The following ATP1A3 variants were observed in gnomAD, a reference collection of about 807,000 sequenced individuals.
ATP1A3 encodes ATPase Na+/K+ transporting subunit alpha 3.
ATP1A3 carries 12 observed loss-of-function variants against 108.8 expected under a neutral mutation model. The ratio of observed to expected loss-of-function variants is 0.11; its 90% CI spans 0.07 to 0.18. ATP1A3 has a LOEUF of 0.18. ATP1A3 is among the 10% of genes least tolerant of loss of function. The pLI, the probability that ATP1A3 is intolerant of heterozygous loss-of-function variation, is 1.00. For synonymous variants in ATP1A3, 539 were observed against 564.5 expected, an observed-to-expected ratio of 0.95 and a Z score of 0.64; for missense variants, 498 against 1,387.7, an observed-to-expected ratio of 0.36 and a Z score of 10.19.
chr19:41,977,343 A>T (rs1184319238), intron 14 of ATP1A3, among the ~76,000 whole-genome samples: 7 of 152,094 alleles, frequency 4.6e-5, no homozygotes, highest in Non-Finnish European at 7.4e-5. Flanking sequence ...ACTGAAGTTC[A>T]TGGATGCTAA....
At chr19:41,992,967 C>T in intron 1 of ATP1A3, 1 of 191,816 alleles carries the variant, frequency 5.2e-6, no homozygotes, top group Non-Finnish European at 1.1e-5. Flanking sequence ...CCTTCTCTCC[C>T]CTAGTCCTGC....
At chr19:41,972,761 C>CA (rs1292867242) in intron 16 of ATP1A3, among the ~76,000 whole-genome samples, 2 of 110,136 alleles carry the variant, frequency 1.8e-5, no homozygotes, top group African/African-American at 3.5e-5. Context: ...AAGACTCCAT[C>CA]AAAAAAAGGG....
intron 1 of ATP1A3, chr19:41,993,501 GCACACACACA>G (rs4060828): frequency 0.059 from 39,340 of 670,480 alleles, 649 homozygotes; most frequent in East Asian, 0.09. Flanking sequence ...TGCGGAGCCT[GCACACACACA>G]CACACACACA....
intron 15 of ATP1A3, 65 bp from the exon 16 acceptor site, chr19:41,975,862 C>T: frequency 3.7e-6 from 6 of 1,605,120 alleles, no homozygotes; most frequent in South Asian, 1.1e-5. Context: ...CCCTCAGATC[C>T]AGAAGCCCAG....
chr19:41,970,694 C>A (rs529795357), intron 16 of ATP1A3, 152 bp from the exon 17 acceptor site: 4 of 940,650 alleles, frequency 4.3e-6, no homozygotes, highest in Non-Finnish European at 6.0e-6. Flanking sequence ...TGCAGTGGTG[C>A]GATCTCGGCT....
intron 16 of ATP1A3, among the ~76,000 whole-genome samples, chr19:41,974,729 C>G (rs2075147813): frequency 6.6e-6 from 1 of 152,222 alleles, no homozygotes; most frequent in Non-Finnish European, 1.5e-5. Flanking sequence ...CTGCATTTGT[C>G]TATGATTATC....
intron 1 of ATP1A3, among the ~76,000 whole-genome samples, chr19:41,990,700 C>G (rs2075329735): frequency 6.6e-6 from 1 of 151,170 alleles, no homozygotes; most frequent in Admixed American, 6.6e-5. Context: ...ATATATCTGT[C>G]TCTTTTTGTA....
Position 41,967,251 on chromosome 19 carries a change from C to T in ATP1A3, c.3011G>A (p.Gly1004Glu), listed in dbSNP as rs782204932. The change falls in exon 22 of 23, where the codon GGG (glycine) becomes GAG (glutamate). Residue 1004 changes from glycine to glutamate, a missense_variant and splice_region_variant. Gly to Glu is a moderately conservative substitution (Grantham distance 98). This residue lies in a region of ATP1A3 where 29 missense variants were observed against 41.0 expected (regional missense o/e 0.71). Transcript: ENST00000648268. This position sits in a 1 kb window ranked among gnomAD's most constrained non-coding sequence, Gnocchi z 4.2. ...GCTGCCTTGCCGAGCTCCCTCACCC[C>T]CTGGGTTCCTGCGCAGGATGAGTTT... is the stretch of plus-strand genomic sequence containing the variant. ...IRKLILRRNPGGWVEKETYY is the reference protein window; with the variant it reads ...IRKLILRRNPEGWVEKETYY 6 of 1,614,068 alleles carry T rather than the reference C, an allele frequency of 3.7e-6. No individual in the cohort carries two copies. In the Admixed American group the frequency reaches 8.3e-5, roughly 22 times the overall value.
In ATP1A3 at chr19:41,984,877, C is replaced by T. The variant is rs547037913; in HGVS notation, c.993+41G>A. On this transcript the variant is annotated intron_variant, in intron 8 of 22. Transcript: ENST00000648268. ...CTCCCTCAGACCCAGGAGCCCAGAC[C>T]CCCAGGCCCTCCCCACCCAGACCCA... The T allele has an allele frequency of 1.6e-5, 26 of 1,589,106 alleles. No homozygotes were observed. In the South Asian group the frequency reaches 2.8e-4, roughly 17 times the overall value.
intron 1 of ATP1A3, among the ~76,000 whole-genome samples, chr19:41,992,201 G>C (rs547001299): frequency 1.1e-4 from 17 of 152,254 alleles, no homozygotes; most frequent in African/African-American, 4.1e-4. Context: ...CCGGGACCCT[G>C]GGACTCCTGG....
chr19:41,979,437 C>T (rs916553973), intron 11 of ATP1A3, among the ~76,000 whole-genome samples: 2 of 152,110 alleles, frequency 1.3e-5, no homozygotes, highest in Non-Finnish European at 2.9e-5. Flanking sequence ...GCTTCGGTCT[C>T]CCACGTAGCT....
chr19:41,978,382 A>T lies in ATP1A3; in HGVS notation c.1631-56T>A. The T allele has an allele frequency of 6.5e-7, 1 of 1,545,222 alleles. No individual in the cohort carries two copies. The highest frequency in any genetic ancestry group is 2.4e-5 in the East Asian group (1 of 41,722). ...GTCCCAGCCTCGGAACCTCCGCCCCATGCCCCTAGATGTCTGCATCGCCCG... is the reference window on the plus strand; with the variant it reads ...GTCCCAGCCTCGGAACCTCCGCCCCTTGCCCCTAGATGTCTGCATCGCCCG... On this transcript the variant is annotated intron_variant, in intron 12 of 22. Coordinates refer to ENST00000648268, the MANE Select transcript of ATP1A3 (RefSeq NM_152296.5). This position sits in a 1 kb window ranked among gnomAD's most constrained non-coding sequence, Gnocchi z 8.3.
chr19:41,973,063 A>G (rs1305769158), intron 16 of ATP1A3, among the ~76,000 whole-genome samples: 2 of 152,180 alleles, frequency 1.3e-5, no homozygotes, highest in African/African-American at 4.8e-5. Context: ...GGGGTTTCTC[A>G]TCCTAAACTA....
intron 4 of ATP1A3, 151 bp downstream of exon 4, chr19:41,987,785 G>T: frequency 1.9e-6 from 2 of 1,080,794 alleles, no homozygotes; most frequent in South Asian, 1.3e-5. Flanking sequence ...CCTTGTATTT[G>T]ATCTGGTTCT....
intron 11 of ATP1A3, among the ~76,000 whole-genome samples, chr19:41,979,249 C>G (rs577570435): frequency 9.9e-5 from 15 of 151,918 alleles, no homozygotes; most frequent in African/African-American, 3.6e-4. Context: ...GTGATCTGCC[C>G]TCATCGGCCT....
In ATP1A3 at chr19:41,981,570, C is replaced by G. The variant is rs2145971610; in HGVS notation, c.1369G>C (p.Val457Leu). 2 of 1,614,166 alleles carry G rather than the reference C, an allele frequency of 1.2e-6. No homozygotes were observed. Among genetic ancestry groups the G allele is most frequent in the Non-Finnish European group, 1.7e-6 (2 of 1,180,044 alleles). Residue 457 changes from valine (V) to leucine (L), a missense_variant, in exon 11 of 23, where the codon GTG (valine) becomes CTG (leucine). Physicochemically the swap from Val to Leu is conservative, Grantham distance 32 (BLOSUM62 1). Around this residue, in one of 9 missense-constraint regions of ATP1A3, gnomAD observed 92 missense variants for 168.7 expected, o/e 0.55. Transcript: ENST00000648268. The surrounding 1 kb of genome is among the most constrained non-coding windows in gnomAD (Gnocchi z 5.0). ...LKCIELSSGS[V>L]KLMRERNKKV... is the part of the protein sequence containing the mutation. ...TTGTTGCGTTCACGCATCAGCTTCA[C>G]GGAGCCAGAGGACAGCTCGATGCAC...
intron 11 of ATP1A3, among the ~76,000 whole-genome samples, chr19:41,980,649 T>C (rs572569959): frequency 1.3e-5 from 2 of 152,112 alleles, no homozygotes; most frequent in East Asian, 3.9e-4. Context: ...CGGTGGCTCA[T>C]GCCTGTAATC....
Position 41,968,797 on chromosome 19 carries a change from T to A in ATP1A3, c.2807A>T (p.Gln936Leu). 6.2e-7 allele frequency: 1 copy of A among 1,614,060 alleles called. No homozygotes were observed. Among genetic ancestry groups the A allele is most frequent in the Non-Finnish European group, 8.5e-7 (1 of 1,179,906 alleles). The change falls in exon 20 of 23, where the codon CAG becomes CTG. Residue 936 changes from glutamine (Q) to leucine (L), a missense_variant. Gln to Leu is a moderately radical substitution (Grantham distance 113, BLOSUM62 -2). This residue lies in a region of ATP1A3 where 121 missense variants were observed against 425.1 expected (regional missense o/e 0.28). Coordinates refer to ENST00000648268, the MANE Select transcript of ATP1A3 (RefSeq NM_152296.5). This position sits in a 1 kb window ranked among gnomAD's most constrained non-coding sequence, Gnocchi z 5.0. ...CCCCGGCCCTCACTTCATGCCCTGC[T>A]GGAAGACCGAGTTCCTCCGGGTCTT... ...ICKTRRNSVF[Q>L]QGMKNKILIF...
intron 16 of ATP1A3, among the ~76,000 whole-genome samples, chr19:41,970,914 G>T (rs183168976): frequency 6.7e-6 from 1 of 149,584 alleles, no homozygotes; most frequent in Admixed American, 6.7e-5. Context: ...TTACAGGCGT[G>T]AGCCACCGCG....
Sources: allele counts gnomAD v4.1 joint callset (sites outside exome capture counted in the v4.1 genomes callset), GRCh38; gene constraint gnomAD v4.1.1; regional missense constraint gnomAD v4.1.1; non-coding constraint Gnocchi (gnomAD v3.1); transcripts MANE v1.5; gene names NCBI Gene and HGNC (gene_info 2026-07-23, HGNC 2026-07-21).